CBFA2T2: variants seen among roughly 807,000 people sequenced by gnomAD.
CBFA2T2 encodes protein CBFA2T2.
A neutral mutation model predicts 62.2 loss-of-function variants in CBFA2T2; 11 were observed. That is an observed-to-expected ratio of 0.18 (90% CI 0.11 to 0.29). The LOEUF (loss-of-function observed/expected upper bound fraction) is 0.29. Among genes scored for constraint, CBFA2T2 ranks in the 10% least tolerant of loss-of-function variants. The probability of loss-of-function intolerance (pLI) is 1.00; values close to 1 mark genes in which losing one functional copy is unlikely to be tolerated. For missense variants in CBFA2T2, 592 were observed against 774.1 expected (o/e 0.76, Z 2.79); for synonymous variants, 295 against 287.5 (o/e 1.03, Z -0.27).
chr20:33,633,679 A>C (rs2016533085), intron 8 of CBFA2T2, among the ~76,000 whole-genome samples: 1 of 152,198 alleles, frequency 6.6e-6, no homozygotes, highest in East Asian at 1.9e-4. Flanking sequence ...CTTATCACAG[A>C]GATCAGGAGA....
intron 1 of CBFA2T2, among the ~76,000 whole-genome samples, chr20:33,551,881 G>A (rs1466159134): frequency 6.6e-6 from 1 of 151,744 alleles, no homozygotes; most frequent in Non-Finnish European, 1.5e-5. Context: ...TTTAATTCTT[G>A]ATTTTTTTTT....
intron 8 of CBFA2T2, among the ~76,000 whole-genome samples, chr20:33,634,797 G>T (rs980124336): frequency 7.9e-5 from 12 of 151,986 alleles, no homozygotes; most frequent in African/African-American, 2.9e-4. Context: ...CAGTGTCACA[G>T]GGCTTCCAGG....
At chr20:33,626,305 A>C (rs774358230) in intron 6 of CBFA2T2, among the ~76,000 whole-genome samples, 3 of 152,338 alleles carry the variant, frequency 2.0e-5, no homozygotes, top group East Asian at 3.9e-4. Flanking sequence ...TGGAGGAGAA[A>C]GTGCATGGAC....
intron 1 of CBFA2T2, among the ~76,000 whole-genome samples, chr20:33,516,495 C>A (rs2011601764): frequency 6.6e-6 from 1 of 152,048 alleles, no homozygotes. Flanking sequence ...AAAACTATAG[C>A]CAGGTGCAGT....
intron 5 of CBFA2T2, among the ~76,000 whole-genome samples, chr20:33,624,249 AAAAAAAG>A (rs1404172309): frequency 1.3e-4 from 20 of 151,314 alleles, no homozygotes; most frequent in African/African-American, 4.6e-4. Context: ...AAAAAAAAAA[AAAAAAAG>A]AAAATTTATT....
intron 1 of CBFA2T2, among the ~76,000 whole-genome samples, chr20:33,555,886 GAC>G (rs1464842118): frequency 6.6e-6 from 1 of 151,860 alleles, no homozygotes; most frequent in East Asian, 1.9e-4. Context: ...CTTTCTTAGA[GAC>G]AGGGTCTCAT....
intron 6 of CBFA2T2, among the ~76,000 whole-genome samples, chr20:33,626,446 CT>C (rs2016231440): frequency 6.6e-6 from 1 of 152,182 alleles, no homozygotes; most frequent in Non-Finnish European, 1.5e-5. Context: ...ACGCCACCCC[CT>C]GTGCTAGGTT....
At chr20:33,567,971 C>T (rs201988322) in intron 1 of CBFA2T2, among the ~76,000 whole-genome samples, 5 of 152,064 alleles carry the variant, frequency 3.3e-5, no homozygotes, top group African/African-American at 9.7e-5. Flanking sequence ...TTCAGGCATC[C>T]GCTGGGGGTC....
At chr20:33,625,431 G>A (rs2016185887) in intron 6 of CBFA2T2, among the ~76,000 whole-genome samples, 1 of 152,150 alleles carries the variant, frequency 6.6e-6, no homozygotes, top group Admixed American at 6.6e-5. Flanking sequence ...AAACTACATT[G>A]AGCCATGATC....
At chr20:33,612,635 A>G (rs573388920) in intron 3 of CBFA2T2, among the ~76,000 whole-genome samples, 1 of 152,330 alleles carries the variant, frequency 6.6e-6, no homozygotes, top group African/African-American at 2.4e-5. Flanking sequence ...ATTTTGGAAA[A>G]TACAGATTTT....
At chr20:33,515,350 CAAAAAAAAAA>C (rs11371940) in intron 1 of CBFA2T2, among the ~76,000 whole-genome samples, 1 of 82,024 alleles carries the variant, frequency 1.2e-5, no homozygotes, top group Non-Finnish European at 2.3e-5. Context: ...GACTCCATCT[CAAAAAAAAAA>C]AAAAAAAAAA....
chr20:33,542,393 A>G (rs1274109638), intron 1 of CBFA2T2, among the ~76,000 whole-genome samples: 1 of 151,956 alleles, frequency 6.6e-6, no homozygotes, highest in Non-Finnish European at 1.5e-5. Context: ...GTTTACATGA[A>G]CTTTTTGTAC....
At chr20:33,560,840 C>A (rs960419568) in intron 1 of CBFA2T2, among the ~76,000 whole-genome samples, 4 of 152,038 alleles carry the variant, frequency 2.6e-5, no homozygotes, top group Non-Finnish European at 5.9e-5. Flanking sequence ...AGGAAGAAGC[C>A]AAGACCCCCG....
rs1652087717 is a variant in CBFA2T2, at chr20:33,649,339, T to C, written c.*4693T>C. 1 of 152,622 alleles carries C rather than the reference T, an allele frequency of 6.6e-6. No homozygotes were observed. Among genetic ancestry groups the C allele is most frequent in the Non-Finnish European group, 1.5e-5 (1 of 68,038 alleles). 9.5% of individuals were successfully genotyped at this position (152,622 alleles called of 1,614,324 possible). Reference sequence around the variant, plus strand: ...AGCGGCTCCGCAGGGCCCTTCCAACTCTGGAGTGTCTGTAGTTCTTGTGAA... The same window carrying C: ...AGCGGCTCCGCAGGGCCCTTCCAACCCTGGAGTGTCTGTAGTTCTTGTGAA... On this transcript the variant is annotated 3_prime_UTR_variant, in exon 11 of 11. Transcript: ENST00000342704.
chr20:33,585,256 G>T (rs1037135037), intron 1 of CBFA2T2, among the ~76,000 whole-genome samples: 2 of 152,078 alleles, frequency 1.3e-5, no homozygotes, highest in Admixed American at 6.6e-5. Context: ...AAAAGCAAAT[G>T]AAAATATTTT....
intron 8 of CBFA2T2, among the ~76,000 whole-genome samples, chr20:33,631,938 A>T (rs1031051289): frequency 3.9e-5 from 6 of 152,222 alleles, no homozygotes; most frequent in Non-Finnish European, 8.8e-5. Flanking sequence ...ATGTGAACCA[A>T]AATGACTCCA....
At chr20:33,610,609 T>G (rs1266224287) in intron 2 of CBFA2T2, among the ~76,000 whole-genome samples, 1 of 152,198 alleles carries the variant, frequency 6.6e-6, no homozygotes, top group East Asian at 1.9e-4. Context: ...ATTAAATCAG[T>G]AGGCCTAAAA....
In CBFA2T2 at chr20:33,624,833, C is replaced by T. The variant is rs772239813; in HGVS notation, c.762C>T (p.Ile254=). ...PEPPAKRVCT[I]SPAPRHSPAL... ...CTCCTGCCAAGAGAGTATGTACCAT[C>T]AGCCCTGCTCCTCGGCACAGTCCTG... The change falls in exon 6 of 11, where the codon ATC becomes ATT. Residue 254 remains isoleucine (I), a synonymous_variant. Coordinates refer to ENST00000342704, the MANE Select transcript of CBFA2T2 (RefSeq NM_001032999.3). 6.2e-7 allele frequency: 1 copy of T among 1,614,186 alleles called. No homozygotes were observed. Among genetic ancestry groups the T allele is most frequent in the Admixed American group, 1.7e-5 (1 of 60,018 alleles).
At chr20:33,494,523 C>T (rs541241893) in intron 1 of CBFA2T2, among the ~76,000 whole-genome samples, 15 of 151,124 alleles carry the variant, frequency 9.9e-5, no homozygotes, top group East Asian at 3.9e-4. Context: ...CCTCGTGATC[C>T]GCCCGCCTCG....
Sources: gnomAD v4.1 joint callset for allele counts (sites outside exome capture counted in the v4.1 genomes callset) on GRCh38, gnomAD v4.1.1 for gene constraint, MANE v1.5 for transcripts, NCBI Gene and HGNC (gene_info 2026-07-23, HGNC 2026-07-21) for gene names.